NFIB: variants seen among roughly 807,000 people sequenced by gnomAD.
The protein encoded by NFIB is nuclear factor 1 B-type.
In NFIB, 11 loss-of-function variants were observed where a neutral mutation model predicts 61.5. The observed-to-expected ratio is 0.18, with a 90% CI of 0.11 to 0.30. The LOEUF (loss-of-function observed/expected upper bound fraction) is 0.30. Ranked by LOEUF, NFIB falls within the 10% of genes least tolerant of loss-of-function variation. The pLI is 1.00. For synonymous variants in NFIB, 260 were observed against 216.5 expected (o/e 1.20, Z -1.76); for missense variants, 471 against 608.9 (o/e 0.77, Z 2.38).
chr9:14,220,843 A>ACACCCACCCCCC (rs1554677584), intron 2 of NFIB, among the ~76,000 whole-genome samples: 18 of 12,390 alleles, frequency 1.5e-3, no homozygotes, highest in South Asian at 0.011. Flanking sequence ...CAATCTCCCT[A>ACACCCACCCCCC]CACACACACA....
chr9:14,479,815 T>A, the NFIB span, among the ~76,000 whole-genome samples: 1 of 152,184 alleles, frequency 6.6e-6, no homozygotes, highest in African/African-American at 2.4e-5. Context: ...CTCTTACAGC[T>A]CTTTGTAAAC....
Position 14,084,630 on chromosome 9 carries a change from G to A in NFIB, c.*3679C>T, listed in dbSNP as rs1028699964. On this transcript the variant is annotated 3_prime_UTR_variant, in exon 11 of 11. Coordinates refer to ENST00000380953, the MANE Select transcript of NFIB (RefSeq NM_001190737.2). ...GCACACAAAGGCTGAACAGTGCCAC[G>A]GAACTGATGGTTGGAGACACCACTC... 2.2e-5 allele frequency: 5 copies of A among 229,024 alleles called. No homozygotes were observed. The highest frequency in any genetic ancestry group is 4.3e-5 in the Non-Finnish European group (5 of 115,280). 14.2% of individuals were successfully genotyped at this position (229,024 alleles called of 1,614,324 possible).
At chr9:14,517,296 G>A in the NFIB span, among the ~76,000 whole-genome samples, 1 of 152,196 alleles carries the variant, frequency 6.6e-6, no homozygotes, top group Non-Finnish European at 1.5e-5. Context: ...CAATGTGTTT[G>A]TCTTCTCTCC....
chr9:14,244,656 G>T lies in NFIB; in HGVS notation c.562+62333C>A, dbSNP rs184979291. Among the ~76,000 whole-genome samples, 3 of 152,228 alleles carry T rather than the reference G, an allele frequency of 2.0e-5. No individual in the cohort carries two copies. The East Asian group carries it at 5.8e-4, about 29-fold the overall frequency. On this transcript the variant is annotated intron_variant, in intron 2 of 10. Transcript: ENST00000380953. ...CAATACTTATTAGCCGTTGGCCTTA[G>T]ACAAATTACTGACCTCTCTGAATTT...
chr9:14,500,071 A>G, the NFIB span, among the ~76,000 whole-genome samples: 4 of 152,194 alleles, frequency 2.6e-5, no homozygotes, highest in Non-Finnish European at 4.4e-5. Flanking sequence ...CTCTTTAGCC[A>G]CATCTCATAC....
At chr9:14,226,970 T>G (rs879362682) in intron 2 of NFIB, among the ~76,000 whole-genome samples, 1 of 139,740 alleles carries the variant, frequency 7.2e-6, no homozygotes, top group Admixed American at 7.6e-5. Flanking sequence ...TGAAACTCCG[T>G]CTCTAATAAA....
intron 2 of NFIB, among the ~76,000 whole-genome samples, chr9:14,285,263 T>C (rs1374752572): frequency 6.6e-6 from 1 of 152,066 alleles, no homozygotes; most frequent in African/African-American, 2.4e-5. Flanking sequence ...GCTGGGATTA[T>C]AGGTGCACAC....
chr9:14,362,669 G>C (rs1564031570), intron 1 of NFIB: 3 of 152,152 alleles, frequency 2.0e-5, no homozygotes, highest in Non-Finnish European at 4.4e-5. Context: ...CCGAGGCAGG[G>C]AGGATCTCGT....
chr9:14,519,547 T>A, the NFIB span, among the ~76,000 whole-genome samples: 42 of 152,306 alleles, frequency 2.8e-4, no homozygotes, highest in African/African-American at 9.6e-4. Flanking sequence ...AGGCAGGGGT[T>A]GTTTTTGTTT....
intron 1 of NFIB, among the ~76,000 whole-genome samples, chr9:14,353,235 C>T (rs950475931): frequency 6.6e-6 from 1 of 152,050 alleles, no homozygotes; most frequent in Non-Finnish European, 1.5e-5. Context: ...GCTTCCCAGA[C>T]ATGTTATTTA....
At chr9:14,430,627 G>C in the NFIB span, among the ~76,000 whole-genome samples, 1 of 152,122 alleles carries the variant, frequency 6.6e-6, no homozygotes, top group Non-Finnish European at 1.5e-5. Context: ...TGTCACCCAG[G>C]CTGGAGTGCA....
At chr9:14,457,616 CT>C in the NFIB span, among the ~76,000 whole-genome samples, 2 of 151,208 alleles carry the variant, frequency 1.3e-5, no homozygotes, top group Non-Finnish European at 2.9e-5. Flanking sequence ...TGATAGACCC[CT>C]AGCAAGATTA....
intron 10 of NFIB, among the ~76,000 whole-genome samples, chr9:14,105,478 A>G (rs2036421120): frequency 6.6e-6 from 1 of 152,178 alleles, no homozygotes; most frequent in African/African-American, 2.4e-5. Flanking sequence ...GAGACACGCT[A>G]TAACTTAAGC....
intron 6 of NFIB, among the ~76,000 whole-genome samples, chr9:14,144,944 C>T (rs767890126): frequency 3.3e-4 from 50 of 152,230 alleles, no homozygotes; most frequent in Non-Finnish European, 5.9e-4. Context: ...AAGGCTATGG[C>T]CTGTTGGTGA....
chr9:14,322,566 C>A (rs1398966374), intron 1 of NFIB, among the ~76,000 whole-genome samples: 1 of 151,946 alleles, frequency 6.6e-6, no homozygotes, highest in Non-Finnish European at 1.5e-5. Context: ...TCTCTTTCTC[C>A]GGCTCGCGGC....
At chr9:14,201,560 T>G (rs1297581846) in intron 2 of NFIB, among the ~76,000 whole-genome samples, 3 of 152,220 alleles carry the variant, frequency 2.0e-5, no homozygotes, top group Non-Finnish European at 4.4e-5. Flanking sequence ...CCCCATCTAA[T>G]GAGACCACCC....
intron 2 of NFIB, among the ~76,000 whole-genome samples, chr9:14,189,388 C>T (rs1318871432): frequency 6.6e-6 from 1 of 152,126 alleles, no homozygotes; most frequent in African/African-American, 2.4e-5. Flanking sequence ...AACCATTTCA[C>T]GCACGAATCA....
At chr9:14,286,073 C>G (rs76254292) in intron 2 of NFIB, among the ~76,000 whole-genome samples, 1 of 152,190 alleles carries the variant, frequency 6.6e-6, no homozygotes, top group Non-Finnish European at 1.5e-5. Context: ...TGGGACACCA[C>G]CAGACTGACA....
chr9:14,186,018 G>A (rs1166448211), intron 2 of NFIB, among the ~76,000 whole-genome samples: 1 of 152,154 alleles, frequency 6.6e-6, no homozygotes, highest in African/African-American at 2.4e-5. Flanking sequence ...ACTCCTAGAT[G>A]AAACTTCTTT....
Sources: allele counts gnomAD v4.1 joint callset (sites outside exome capture counted in the v4.1 genomes callset), GRCh38; gene constraint gnomAD v4.1.1; transcripts MANE v1.5; gene names NCBI Gene and HGNC (gene_info 2026-07-23, HGNC 2026-07-21).